The following CCDC18 variants were observed in gnomAD, a reference collection of about 807,000 sequenced individuals.
The protein encoded by CCDC18 is coiled-coil domain-containing protein 18.
A neutral mutation model predicts 196.0 loss-of-function variants in CCDC18; 157 were observed. That is an observed-to-expected ratio of 0.80 (90% CI 0.70 to 0.91). The LOEUF (loss-of-function observed/expected upper bound fraction) is 0.91. CCDC18 is among the 40% of genes least tolerant of loss of function. CCDC18 has a pLI of 0.00. For synonymous variants in CCDC18, 482 were observed against 529.2 expected (o/e 0.91, Z 1.22); for missense variants, 1,465 against 1,611.6 (o/e 0.91, Z 1.56).
intron 16 of CCDC18, among the ~76,000 whole-genome samples, chr1:93,223,724 C>T (rs956924341): frequency 6.6e-6 from 1 of 152,026 alleles, no homozygotes; most frequent in Admixed American, 6.6e-5. Context: ...TTATTTTCTA[C>T]TTTAGATTCC....
chr1:93,205,688 C>T (rs1654600102), intron 8 of CCDC18, 57 bp downstream of exon 8: 1 of 1,398,494 alleles, frequency 7.2e-7, no homozygotes, highest in Non-Finnish European at 9.8e-7. Flanking sequence ...AAAACTGAAA[C>T]ACTTTAAAAC....
chr1:93,269,936 ATT>A (rs1665072436), intron 27 of CCDC18, among the ~76,000 whole-genome samples: 1 of 152,146 alleles, frequency 6.6e-6, no homozygotes, highest in Non-Finnish European at 1.5e-5. Flanking sequence ...TAGCTTATCT[ATT>A]TATTCCCTAC....
intron 27 of CCDC18, among the ~76,000 whole-genome samples, chr1:93,266,304 G>A (rs899734231): frequency 6.6e-6 from 1 of 152,178 alleles, no homozygotes; most frequent in Admixed American, 6.5e-5. Context: ...GTGTGGAGAG[G>A]GAAATTTATA....
chr1:93,249,416 C>G (rs1381443476), intron 23 of CCDC18, among the ~76,000 whole-genome samples: 1 of 151,996 alleles, frequency 6.6e-6, no homozygotes, highest in Non-Finnish European at 1.5e-5. Context: ...CTCTTTGTTT[C>G]ATTTATCCTC....
chr1:93,242,616 CA>C (rs1466869238), intron 21 of CCDC18, among the ~76,000 whole-genome samples: 7 of 152,194 alleles, frequency 4.6e-5, no homozygotes, highest in African/African-American at 1.7e-4. Context: ...AGCAGTAACT[CA>C]AAAGTCCACA....
intron 6 of CCDC18, among the ~76,000 whole-genome samples, chr1:93,199,084 G>A (rs528690054): frequency 2.0e-5 from 3 of 152,152 alleles, no homozygotes; most frequent in Non-Finnish European, 4.4e-5. Flanking sequence ...TGCTGTTTTG[G>A]GATCCTTGGG....
At chr1:93,250,859 G>A (rs1281249924) in intron 23 of CCDC18, among the ~76,000 whole-genome samples, 1 of 152,138 alleles carries the variant, frequency 6.6e-6, no homozygotes, top group East Asian at 1.9e-4. Flanking sequence ...TCTTTATGAA[G>A]TGAATTTCTT....
At position 93,258,899 on chromosome 1, in the gene CCDC18, T is replaced by A. The variant is rs1348040769; in HGVS notation, c.3684+14T>A. 1 of 1,583,598 alleles carries A rather than the reference T, an allele frequency of 6.3e-7. No homozygotes were observed. The highest frequency in any genetic ancestry group is 8.6e-7 in the Non-Finnish European group (1 of 1,167,712). On this transcript the variant is annotated intron_variant, in intron 26 of 28. Transcript: ENST00000690025. ...TATCATATGGAGGTAAAGAAAAATT[T>A]AATTTGTTTTGTTAGTGCCCACTAA...
chr1:93,227,971 A>AATAT (rs1553175509), intron 17 of CCDC18, among the ~76,000 whole-genome samples: 3,994 of 125,172 alleles, frequency 0.032, 198 homozygotes, highest in African/African-American at 0.098. Context: ...AAAAAAAAAA[A>AATAT]ATATATATAT....
At chr1:93,187,969 ATC>A (rs750600569) in intron 4 of CCDC18, among the ~76,000 whole-genome samples, 1 of 152,126 alleles carries the variant, frequency 6.6e-6, no homozygotes, top group Non-Finnish European at 1.5e-5. Context: ...ACTGTAGATA[ATC>A]TCTCTTTTTA....
chr1:93,193,813 C>A, intron 6 of CCDC18, 69 bp downstream of exon 6: 2 of 1,238,574 alleles, frequency 1.6e-6, no homozygotes, highest in Non-Finnish European at 2.2e-6. Flanking sequence ...ATTTAAAATT[C>A]TAGTTAATTT....
At chr1:93,195,389 A>G (rs1341063959) in intron 6 of CCDC18, among the ~76,000 whole-genome samples, 1 of 152,226 alleles carries the variant, frequency 6.6e-6, no homozygotes, top group African/African-American at 2.4e-5. Context: ...AAGGATTTGT[A>G]TTTTAACCTG....
chr1:93,248,203 C>T (rs768135575), intron 23 of CCDC18, among the ~76,000 whole-genome samples: 42 of 151,344 alleles, frequency 2.8e-4, no homozygotes, highest in African/African-American at 4.4e-4. Flanking sequence ...TTAGTAGAGA[C>T]GGCGTTTCAC....
intron 23 of CCDC18, among the ~76,000 whole-genome samples, chr1:93,252,011 A>G (rs4087333): frequency 0.21 from 26,969 of 130,360 alleles, 2,655 homozygotes; most frequent in East Asian, 0.31. Context: ...TTATCTATCT[A>G]TCTGTCTGTC....
At chr1:93,242,736 A>T (rs1398637081) in intron 21 of CCDC18, among the ~76,000 whole-genome samples, 1 of 152,220 alleles carries the variant, frequency 6.6e-6, no homozygotes, top group Non-Finnish European at 1.5e-5. Flanking sequence ...ACATTGGGTA[A>T]ATACACCCAT....
intron 27 of CCDC18, among the ~76,000 whole-genome samples, chr1:93,269,386 T>C (rs915221593): frequency 6.0e-5 from 9 of 150,998 alleles, no homozygotes. Context: ...GTAACAAACC[T>C]GCACGTTGAG....
rs779298774 is a variant in CCDC18 at position 93,205,501 on chromosome 1, T to C, written c.796-9T>C. 3.2e-6 allele frequency: 5 copies of C among 1,570,338 alleles called. No individual in the cohort carries two copies. Among genetic ancestry groups the C allele is most frequent in the Non-Finnish European group, 4.3e-6 (5 of 1,161,758 alleles). On this transcript the variant is annotated splice_polypyrimidine_tract_variant and intron_variant, in intron 7 of 28. Coordinates refer to ENST00000690025, the MANE Select transcript of CCDC18 (RefSeq NM_001378204.1). Reference sequence around the variant, plus strand: ...CACATTAGTATGTCCACTTAAATTATTGTTTTAGGTTCAAGCTGAAGAAGA... The same window carrying C: ...CACATTAGTATGTCCACTTAAATTACTGTTTTAGGTTCAAGCTGAAGAAGA...
At chr1:93,234,279 A>G (rs1337905384) in intron 18 of CCDC18, among the ~76,000 whole-genome samples, 1 of 151,846 alleles carries the variant, frequency 6.6e-6, no homozygotes, top group Non-Finnish European at 1.5e-5. Flanking sequence ...CTCCTGCCTC[A>G]GCCTCCCGAG....
chr1:93,266,470 A>T (rs1664519536), intron 27 of CCDC18, among the ~76,000 whole-genome samples: 1 of 152,202 alleles, frequency 6.6e-6, no homozygotes, highest in Non-Finnish European at 1.5e-5. Context: ...AGATAGAGAC[A>T]CAAAAAACCC....
Sources: gnomAD v4.1 joint callset for allele counts (sites outside exome capture counted in the v4.1 genomes callset) on GRCh38, gnomAD v4.1.1 for gene constraint, MANE v1.5 for transcripts, NCBI Gene and HGNC (gene_info 2026-07-23, HGNC 2026-07-21) for gene names.